GXYLT2: variants seen among roughly 807,000 people sequenced by gnomAD.
GXYLT2 encodes glycosyltransferase 8 domain containing 4.
A neutral mutation model predicts 45.8 loss-of-function variants in GXYLT2; 53 were observed. That is an observed-to-expected ratio of 1.16 (90% CI 0.93 to 1.46). GXYLT2 has a LOEUF of 1.46. GXYLT2 is among the 40% of genes most tolerant of loss of function. GXYLT2 has a pLI of 0.00. For missense variants in GXYLT2, 551 were observed against 544.4 expected (o/e 1.01, Z -0.12); for synonymous variants, 219 against 214.2 (o/e 1.02, Z -0.19).
In GXYLT2 at chr3:72,957,033, C is replaced by T. The variant is rs562572920; in HGVS notation, c.853-196C>T. Among the ~76,000 whole-genome samples the T allele has an allele frequency of 1.9e-4, 28 of 145,718 alleles. No homozygotes were observed. The Middle Eastern group carries it at 0.014, about 71-fold the overall frequency. On this transcript the variant is annotated intron_variant, in intron 4 of 6. Transcript: ENST00000389617. The stretch of plus-strand genomic sequence containing the variant: ...TTCAGTCCCTGGTCTATCTAGTATC[C>T]GTGTGTACAGCTGAAAAAAGCGATA...
At chr3:72,925,833 A>G (rs1255531640) in intron 3 of GXYLT2, among the ~76,000 whole-genome samples, 1 of 152,196 alleles carries the variant, frequency 6.6e-6, no homozygotes, top group East Asian at 1.9e-4. Context: ...TTGAATGACA[A>G]ATGGGTGCTG....
chr3:72,947,939 G>C (rs569855675), intron 3 of GXYLT2, among the ~76,000 whole-genome samples: 2 of 152,274 alleles, frequency 1.3e-5, no homozygotes, highest in African/African-American at 4.8e-5. Context: ...AACCCATCAG[G>C]AAGGCGTAAC....
intron 1 of GXYLT2, among the ~76,000 whole-genome samples, chr3:72,898,743 T>C (rs1464920368): frequency 6.6e-6 from 1 of 151,970 alleles, no homozygotes; most frequent in Non-Finnish European, 1.5e-5. Flanking sequence ...TCTTTTCTTT[T>C]TTTTTCAGAT....
At chr3:72,957,844 T>C (rs1710679540) in intron 5 of GXYLT2, among the ~76,000 whole-genome samples, 1 of 152,190 alleles carries the variant, frequency 6.6e-6, no homozygotes, top group African/African-American at 2.4e-5. Context: ...ATTCTTCTTA[T>C]ATTGTTAGGT....
At chr3:72,949,502 C>CTTTTTTTTTTTTTTTTTTTTT (rs56323434) in intron 3 of GXYLT2, among the ~76,000 whole-genome samples, 2 of 72,610 alleles carry the variant, frequency 2.8e-5, no homozygotes, top group Non-Finnish European at 2.3e-5. Context: ...CTTTCTTTTT[C>CTTTTTTTTTTTTTTTTTTTTT]TTTTTTTTTT....
At chr3:72,945,796 T>C (rs566004164) in intron 3 of GXYLT2, among the ~76,000 whole-genome samples, 31 of 152,310 alleles carry the variant, frequency 2.0e-4, no homozygotes, top group Middle Eastern at 3.4e-3. Flanking sequence ...GAATGCGCAG[T>C]GACTGCTAAT....
chr3:72,920,985 T>C (rs1299359199), intron 2 of GXYLT2, among the ~76,000 whole-genome samples: 6 of 151,744 alleles, frequency 4.0e-5, no homozygotes, highest in Non-Finnish European at 8.8e-5. Flanking sequence ...CCACGCCAGC[T>C]AATTTTTGTA....
intron 4 of GXYLT2, among the ~76,000 whole-genome samples, chr3:72,955,735 A>G (rs528100490): frequency 1.3e-5 from 2 of 152,284 alleles, no homozygotes; most frequent in East Asian, 3.9e-4. Flanking sequence ...ATCCTAGCAA[A>G]GAAGTGGAAA....
chr3:72,954,822 A>C (rs1451863888), intron 3 of GXYLT2, among the ~76,000 whole-genome samples: 1 of 151,950 alleles, frequency 6.6e-6, no homozygotes, highest in Non-Finnish European at 1.5e-5. Context: ...TGTAAGTTCA[A>C]CCCTTATCAA....
chr3:72,904,351 G>T (rs1251077745), intron 1 of GXYLT2, among the ~76,000 whole-genome samples: 2 of 152,224 alleles, frequency 1.3e-5, no homozygotes, highest in Non-Finnish European at 2.9e-5. Flanking sequence ...ACTTTATTAT[G>T]CATTGTGACT....
intron 1 of GXYLT2, among the ~76,000 whole-genome samples, chr3:72,889,466 C>A (rs1201466645): frequency 6.6e-6 from 1 of 152,102 alleles, no homozygotes; most frequent in Non-Finnish European, 1.5e-5. Flanking sequence ...CTAAAAGACA[C>A]GAAACCTCAA....
chr3:72,954,158 T>C (rs1710578826), intron 3 of GXYLT2, among the ~76,000 whole-genome samples: 1 of 152,058 alleles, frequency 6.6e-6, no homozygotes, highest in Non-Finnish European at 1.5e-5. Context: ...GGCTAGAGTG[T>C]AGTGGTGCTA....
intron 1 of GXYLT2, among the ~76,000 whole-genome samples, chr3:72,905,983 A>G (rs1278115143): frequency 6.6e-6 from 1 of 152,212 alleles, no homozygotes; most frequent in East Asian, 1.9e-4. Context: ...TTCATATTTA[A>G]GATATCTAAG....
At chr3:72,961,674 AAG>A (rs35904914) in intron 5 of GXYLT2, among the ~76,000 whole-genome samples, 11,845 of 118,650 alleles carry the variant, frequency 0.1, 930 homozygotes, top group East Asian at 0.41. Context: ...AAAAAAAAAA[AAG>A]AGAGAGAGAG....
At chr3:72,953,103 G>T (rs1478973548) in intron 3 of GXYLT2, among the ~76,000 whole-genome samples, 1 of 152,070 alleles carries the variant, frequency 6.6e-6, no homozygotes, top group Non-Finnish European at 1.5e-5. Flanking sequence ...ACCTAAGGTG[G>T]CTTGAATCAT....
intron 1 of GXYLT2, among the ~76,000 whole-genome samples, chr3:72,898,061 TA>T (rs1294411253): frequency 6.6e-6 from 1 of 152,220 alleles, no homozygotes; most frequent in Non-Finnish European, 1.5e-5. Flanking sequence ...ATTTTAACAG[TA>T]GTTATGAAAT....
intron 1 of GXYLT2, among the ~76,000 whole-genome samples, chr3:72,898,071 A>G (rs28561940): frequency 0.028 from 4,300 of 152,340 alleles, 200 homozygotes; most frequent in African/African-American, 0.099. Context: ...TAGTTATGAA[A>G]TTGGAATTGA....
rs556163199 is a variant in GXYLT2, at chr3:72,918,972, C to T, written c.469-3232C>T. ...ATTTGAATGGCTAAAATCTAGAACC[C>T]TGACAACACCAAATGCTGGTGAGGA... On this transcript the variant is annotated intron_variant, in intron 2 of 6. Transcript: ENST00000389617. 3.3e-5 allele frequency among the ~76,000 whole-genome samples: 5 copies of T among 152,272 alleles called. No individual in the cohort carries two copies. The South Asian group carries it at 1.0e-3, about 32-fold the overall frequency.
intron 2 of GXYLT2, among the ~76,000 whole-genome samples, chr3:72,912,028 T>TTTTTTTTTTA (rs1709639542): frequency 7.0e-6 from 1 of 143,870 alleles, no homozygotes; most frequent in African/African-American, 2.6e-5. Flanking sequence ...TTTTTTTTTT[T>TTTTTTTTTTA]GAGACAGCGT....
Sources: allele counts gnomAD v4.1 joint callset (sites outside exome capture counted in the v4.1 genomes callset), GRCh38; gene constraint gnomAD v4.1.1; transcripts MANE v1.5; gene names NCBI Gene and HGNC (gene_info 2026-07-23, HGNC 2026-07-21).